The following TBC1D22A variants were observed in gnomAD, a reference collection of about 807,000 sequenced individuals.
TBC1D22A encodes the protein TBC1 domain family member 22A, also known as putative GTPase activator.
Under a neutral mutation model 60.2 loss-of-function variants are expected in TBC1D22A, and 38 were observed. The observed-to-expected ratio is 0.63, with a 90% CI of 0.49 to 0.83. TBC1D22A has a LOEUF of 0.83. Ranked by LOEUF, TBC1D22A falls within the 40% of genes least tolerant of loss-of-function variation. The pLI, the probability that TBC1D22A is intolerant of heterozygous loss-of-function variation, is 0.00. For synonymous variants in TBC1D22A, 302 were observed against 281.7 expected, an observed-to-expected ratio of 1.07 and a Z score of -0.72; for missense variants, 628 against 701.0, an observed-to-expected ratio of 0.90 and a Z score of 1.18.
At chr22:47,005,436 C>A (rs2061554879) in intron 10 of TBC1D22A, among the ~76,000 whole-genome samples, 1 of 151,488 alleles carries the variant, frequency 6.6e-6, no homozygotes. Flanking sequence ...ATAACACACA[C>A]CCTTATACAC....
intron 8 of TBC1D22A, among the ~76,000 whole-genome samples, chr22:46,928,139 A>C (rs6008003): frequency 0.77 from 116,376 of 150,762 alleles, 45,034 homozygotes; most frequent in Middle Eastern, 0.86. Context: ...AAAAAAAAAA[A>C]AACAAAGATT....
At chr22:46,896,495 C>A (rs2147643833) in intron 7 of TBC1D22A, among the ~76,000 whole-genome samples, 1 of 152,270 alleles carries the variant, frequency 6.6e-6, no homozygotes, top group East Asian at 1.9e-4. Context: ...GTGTTCAGTT[C>A]ATCTGCAGTT....
rs116477141 is a variant in TBC1D22A at position 46,992,467 on chromosome 22, C to A, written c.1126-5167C>A. On this transcript the variant is annotated intron_variant, in intron 9 of 12. Coordinates refer to ENST00000337137, the MANE Select transcript of TBC1D22A (RefSeq NM_014346.5). ...TGAACCACCCTGCACAGTGTAGGCC[C>A]GCCGAGTCATCCAGATCAGTCAGGG... is the stretch of plus-strand genomic sequence containing the variant. Among the ~76,000 whole-genome samples the A allele has an allele frequency of 1.3e-3, 203 of 152,316 alleles. 1 individual carries two copies. Among genetic ancestry groups the A allele is most frequent in the African/African-American group, 4.7e-3 (197 of 41,578 alleles).
intron 10 of TBC1D22A, among the ~76,000 whole-genome samples, chr22:47,016,052 AAG>A (rs1177970196): frequency 6.6e-6 from 1 of 152,114 alleles, no homozygotes; most frequent in Non-Finnish European, 1.5e-5. Context: ...GGGGTTCCTG[AAG>A]AGTCAGCAGC....
At chr22:46,968,174 G>A (rs573097457) in intron 8 of TBC1D22A, among the ~76,000 whole-genome samples, 164 of 152,302 alleles carry the variant, frequency 1.1e-3, no homozygotes, top group African/African-American at 3.8e-3. Context: ...CCTGGAGTTG[G>A]AGCTGCACAA....
At chr22:46,772,992 G>A (rs990606618) in intron 1 of TBC1D22A, among the ~76,000 whole-genome samples, 3 of 152,198 alleles carry the variant, frequency 2.0e-5, no homozygotes, top group African/African-American at 7.2e-5. Context: ...AGTCATCTCT[G>A]TTTTTCTTTC....
chr22:46,993,064 T>G (rs1186972941), intron 9 of TBC1D22A, among the ~76,000 whole-genome samples: 1 of 152,168 alleles, frequency 6.6e-6, no homozygotes, highest in African/African-American at 2.4e-5. Flanking sequence ...GGAAGAGCAC[T>G]TTGTCAGAGA....
At chr22:46,770,788 T>C (rs2083454915) in intron 1 of TBC1D22A, among the ~76,000 whole-genome samples, 1 of 152,252 alleles carries the variant, frequency 6.6e-6, no homozygotes, top group Admixed American at 6.5e-5. Context: ...CTGTATTGCC[T>C]TTTGCTTATG....
chr22:46,976,865 G>A (rs2074318755), intron 9 of TBC1D22A, among the ~76,000 whole-genome samples: 1 of 152,218 alleles, frequency 6.6e-6, no homozygotes, highest in South Asian at 2.1e-4. Context: ...CTTTATTGGA[G>A]CCGCTGAGCC....
intron 11 of TBC1D22A, among the ~76,000 whole-genome samples, chr22:47,105,408 A>G (rs2065596466): frequency 6.6e-6 from 1 of 152,194 alleles, no homozygotes; most frequent in African/African-American, 2.4e-5. Context: ...AGAAAATACA[A>G]ATCTAGAGAG....
At chr22:47,080,861 G>A (rs554465798) in intron 11 of TBC1D22A, among the ~76,000 whole-genome samples, 4 of 152,048 alleles carry the variant, frequency 2.6e-5, no homozygotes, top group East Asian at 1.9e-4. Context: ...GGTGGCTCAC[G>A]CCTGTAATCC....
At chr22:47,111,685 A>G (rs766726959) in intron 12 of TBC1D22A, 82 bp downstream of exon 12, 93 of 1,323,468 alleles carry the variant, frequency 7.0e-5, no homozygotes, top group Non-Finnish European at 9.3e-5. Flanking sequence ...TCACAGGGTT[A>G]TTTGTGGAAG....
At chr22:46,941,349 A>G (rs2072045310) in intron 8 of TBC1D22A, among the ~76,000 whole-genome samples, 1 of 115,562 alleles carries the variant, frequency 8.7e-6, no homozygotes, top group Non-Finnish European at 1.8e-5. Context: ...ATATATATAT[A>G]GAATATATAT....
At chr22:46,764,847 A>G (rs1385714702) in intron 1 of TBC1D22A, among the ~76,000 whole-genome samples, 1 of 152,208 alleles carries the variant, frequency 6.6e-6, no homozygotes, top group East Asian at 1.9e-4. Flanking sequence ...ATGCTCACCT[A>G]GAGACTTGAC....
At chr22:47,064,197 G>A (rs893276844) in intron 11 of TBC1D22A, among the ~76,000 whole-genome samples, 2 of 152,244 alleles carry the variant, frequency 1.3e-5, no homozygotes, top group South Asian at 2.1e-4. Context: ...AGCCGCTGCC[G>A]GCACCCGTGC....
intron 8 of TBC1D22A, among the ~76,000 whole-genome samples, chr22:46,928,317 C>G (rs867736765): frequency 6.6e-6 from 1 of 152,154 alleles, no homozygotes; most frequent in African/African-American, 2.4e-5. Flanking sequence ...CAAGAGAATT[C>G]AATGAGGAAA....
At chr22:46,897,635 G>GTT (rs1602366020) in intron 7 of TBC1D22A, among the ~76,000 whole-genome samples, 10 of 125,536 alleles carry the variant, frequency 8.0e-5, no homozygotes, top group African/African-American at 1.1e-4. Flanking sequence ...GTTTTGTTTC[G>GTT]TTTTGTTTTT....
chr22:46,896,855 T>C, intron 7 of TBC1D22A, among the ~76,000 whole-genome samples: 1 of 152,160 alleles, frequency 6.6e-6, no homozygotes, highest in Non-Finnish European at 1.5e-5. Flanking sequence ...GGTCTTTCAC[T>C]TGTTTTTTGT....
chr22:46,884,358 C>T (rs755983523), intron 5 of TBC1D22A, among the ~76,000 whole-genome samples: 68 of 152,162 alleles, frequency 4.5e-4, no homozygotes, highest in Non-Finnish European at 2.4e-4. Flanking sequence ...CTGTCTGGTT[C>T]ATTCTGTGGA....
Sources: gnomAD v4.1 joint callset for allele counts (sites outside exome capture counted in the v4.1 genomes callset) on GRCh38, gnomAD v4.1.1 for gene constraint, MANE v1.5 for transcripts, NCBI Gene and HGNC (gene_info 2026-07-23, HGNC 2026-07-21) for gene names.